EPS15: variants seen among roughly 807,000 people sequenced by gnomAD.
The protein encoded by EPS15 is epidermal growth factor receptor pathway substrate 15.
In EPS15, 72 loss-of-function variants were observed where a neutral mutation model predicts 113.8. The observed-to-expected ratio is 0.63, with a 90% confidence interval of 0.52 to 0.77. The LOEUF (loss-of-function observed/expected upper bound fraction) is 0.77, where lower values mean the gene tolerates loss of function less well. Among genes scored for constraint, EPS15 ranks in the 30% least tolerant of loss-of-function variants. EPS15 has a pLI of 0.00. For synonymous variants in EPS15, 344 were observed against 363.4 expected (o/e 0.95, Z 0.61); for missense variants, 1,048 against 1,045.8 (o/e 1.00, Z -0.03).
chr1:51,430,990 A>G lies in EPS15; in HGVS notation c.1041-9132T>C, dbSNP rs1651673638. Among the ~76,000 whole-genome samples, 4 of 142,042 alleles carry G rather than the reference A, an allele frequency of 2.8e-5. No individual in the cohort carries two copies. The South Asian group carries it at 8.7e-4, about 31-fold the overall frequency. The allele number at this position is 142,042 out of a possible 152,430, so 93.2% of individuals were successfully genotyped here. On this transcript the variant is annotated intron_variant, in intron 12 of 24. Coordinates refer to ENST00000371733, the MANE Select transcript of EPS15 (RefSeq NM_001981.3). ...ACATTACTTACATACACACACACAC[A>G]CACACACACACACACACACACACAC...
intron 1 of EPS15, among the ~76,000 whole-genome samples, chr1:51,491,711 G>A (rs1644236209): frequency 6.6e-6 from 1 of 152,078 alleles, no homozygotes; most frequent in Non-Finnish European, 1.5e-5. Flanking sequence ...GCGTGGTGGG[G>A]CAGAGAAAGG....
rs112034403 is a variant in EPS15 at position 51,410,172 on chromosome 1, C to T, written c.1114-476G>A. On this transcript the variant is annotated intron_variant, in intron 13 of 24. Transcript: ENST00000371733. ...TGAACCCAGGAGGTGGAGGTTGCAG[C>T]GAGCCGAGATCATGCATTGCACTCC... Among the ~76,000 whole-genome samples, 1,079 of 150,960 alleles carry T rather than the reference C, an allele frequency of 7.1e-3. 8 individuals carry two copies. The highest frequency in any genetic ancestry group is 0.025 in the African/African-American group (1,033 of 41,102).
At chr1:51,375,428 CCT>C (rs1646774527) in intron 21 of EPS15, among the ~76,000 whole-genome samples, 2 of 152,064 alleles carry the variant, frequency 1.3e-5, no homozygotes, top group Admixed American at 1.3e-4. Context: ...TAACAATTCC[CCT>C]GTTCCGTAGG....
intron 3 of EPS15, among the ~76,000 whole-genome samples, chr1:51,472,570 T>C (rs997064760): frequency 3.9e-5 from 6 of 152,204 alleles, no homozygotes; most frequent in Non-Finnish European, 7.3e-5. Flanking sequence ...TTTGAGTGTG[T>C]GGCAAGATTC....
At chr1:51,390,384 C>T (rs1275119360) in intron 21 of EPS15, among the ~76,000 whole-genome samples, 3 of 152,122 alleles carry the variant, frequency 2.0e-5, no homozygotes, top group Non-Finnish European at 4.4e-5. Context: ...CTAGGCATCA[C>T]CATTCAGGAC....
At chr1:51,394,612 A>T (rs965607239) in intron 20 of EPS15, among the ~76,000 whole-genome samples, 165 bp from the exon 21 acceptor site, 2 of 152,220 alleles carry the variant, frequency 1.3e-5, no homozygotes, top group Admixed American at 6.5e-5. Flanking sequence ...TACTAACTGG[A>T]AATAATACAT....
In EPS15 at chr1:51,448,037, T is replaced by A; in HGVS notation, c.651+9A>T. On this transcript the variant is annotated intron_variant, in intron 9 of 24. Transcript: ENST00000371733. ...AGGGGATCAACCGCACAGAGCCTGA[T>A]ATACTGACCGTTTTTCTCTTAGATG... 6.2e-7 allele frequency: 1 copy of A among 1,613,418 alleles called. No homozygotes were observed. The highest frequency in any genetic ancestry group is 8.5e-7 in the Non-Finnish European group (1 of 1,179,504).
chr1:51,494,520 CT>C (rs1315114325), intron 1 of EPS15, among the ~76,000 whole-genome samples: 1 of 152,222 alleles, frequency 6.6e-6, no homozygotes, highest in Non-Finnish European at 1.5e-5. Flanking sequence ...CATCTAAAAA[CT>C]TTTCTTTGAT....
chr1:51,452,706 G>C (rs1407054916), intron 8 of EPS15, among the ~76,000 whole-genome samples: 1 of 152,102 alleles, frequency 6.6e-6, no homozygotes. Context: ...ACATCTTCTG[G>C]CTACAAAGCT....
At chr1:51,402,191 C>A (rs1021759842) in intron 18 of EPS15, among the ~76,000 whole-genome samples, 2 of 150,554 alleles carry the variant, frequency 1.3e-5, no homozygotes, top group South Asian at 4.2e-4. Flanking sequence ...TACATACATA[C>A]ATAAAATTAG....
intron 23 of EPS15, among the ~76,000 whole-genome samples, chr1:51,362,458 A>G (rs140312021): frequency 1.6e-4 from 25 of 152,342 alleles, no homozygotes; most frequent in African/African-American, 5.8e-4. Flanking sequence ...GAGCAAAAAC[A>G]CTAGCATATT....
intron 13 of EPS15, among the ~76,000 whole-genome samples, chr1:51,421,388 C>G (rs1374626622): frequency 6.6e-6 from 1 of 152,056 alleles, no homozygotes; most frequent in Non-Finnish European, 1.5e-5. Context: ...AAAAACCTCA[C>G]ATGCATGAAA....
intron 21 of EPS15, among the ~76,000 whole-genome samples, chr1:51,369,552 T>C (rs1365290158): frequency 6.6e-6 from 1 of 152,226 alleles, no homozygotes; most frequent in South Asian, 2.1e-4. Context: ...AAAAGTATAA[T>C]TTAAAAATCA....
intron 11 of EPS15, 134 bp downstream of exon 11, chr1:51,444,755 C>A: frequency 1.2e-6 from 1 of 820,764 alleles, no homozygotes; most frequent in Non-Finnish European, 1.8e-6. Flanking sequence ...ACAAACTAAA[C>A]CACAAACAGT....
intron 2 of EPS15, among the ~76,000 whole-genome samples, chr1:51,477,195 T>C (rs1643924525): frequency 6.6e-6 from 1 of 152,176 alleles, no homozygotes; most frequent in Non-Finnish European, 1.5e-5. Flanking sequence ...GGGTGTAGTG[T>C]CCAGGAATTT....
intron 24 of EPS15, among the ~76,000 whole-genome samples, 154 bp downstream of exon 24, chr1:51,361,017 A>G (rs1398510043): frequency 6.6e-6 from 1 of 152,244 alleles, no homozygotes; most frequent in East Asian, 1.9e-4. Flanking sequence ...TCAAAACAGG[A>G]TCAAACAGAG....
intron 21 of EPS15, among the ~76,000 whole-genome samples, chr1:51,370,779 C>T (rs1236563713): frequency 6.6e-6 from 1 of 152,026 alleles, no homozygotes; most frequent in Non-Finnish European, 1.5e-5. Flanking sequence ...TACCACCATG[C>T]CTGGCTAATT....
intron 1 of EPS15, among the ~76,000 whole-genome samples, chr1:51,485,255 G>A (rs987831055): frequency 6.6e-6 from 1 of 152,168 alleles, no homozygotes; most frequent in African/African-American, 2.4e-5. Context: ...ATAAAATAGT[G>A]CAACAGAGCA....
At chr1:51,459,171 A>C (rs902349453) in intron 8 of EPS15, 3 of 152,268 alleles carry the variant, frequency 2.0e-5, no homozygotes, top group African/African-American at 4.8e-5. Flanking sequence ...CAAAAACAAA[A>C]GAAAAATAAG....
Sources: gnomAD v4.1 joint callset for allele counts (sites outside exome capture counted in the v4.1 genomes callset) on GRCh38, gnomAD v4.1.1 for gene constraint, MANE v1.5 for transcripts, NCBI Gene and HGNC (gene_info 2026-07-23, HGNC 2026-07-21) for gene names.